Variants in COL9A2 observed in about 807,000 individuals in gnomAD.
COL9A2 encodes collagen alpha-2(IX) chain.
Under a neutral mutation model 111.6 loss-of-function variants are expected in COL9A2, and 66 were observed. The ratio of observed to expected loss-of-function variants is 0.59; its 90% CI spans 0.48 to 0.73. COL9A2 has a LOEUF of 0.73. Ranked by LOEUF, COL9A2 falls within the 30% of genes least tolerant of loss-of-function variation. COL9A2 has a pLI of 0.00. For synonymous variants in COL9A2, 353 were observed against 364.1 expected (o/e 0.97, Z 0.35); for missense variants, 881 against 954.1 (o/e 0.92, Z 1.01).
chr1:40,311,709 G>A lies in COL9A2; in HGVS notation c.424C>T (p.Pro142Ser). 6.2e-7 allele frequency: 1 copy of A among 1,613,912 alleles called. No homozygotes were observed. The highest frequency in any genetic ancestry group is 8.5e-7 in the Non-Finnish European group (1 of 1,179,964). Residue 142 changes from proline (P) to serine (S), a missense_variant, in exon 9 of 32, where the codon CCT becomes TCT. Pro to Ser is a moderately conservative substitution (Grantham distance 74, BLOSUM62 -1). Transcript: ENST00000372748. This position sits in a 1 kb window ranked among gnomAD's most constrained non-coding sequence, Gnocchi z 5.1. Reference protein sequence around the residue: ...EIGIRGPKGDPGPDGPSGPPG... With the variant: ...EIGIRGPKGDSGPDGPSGPPG... Reference sequence around the variant, plus strand: ...GGCCCCGATGGTCCATCTGGTCCAGGGTCCCCCTGGAAGCAAAAGAAGCCC... The same window carrying A: ...GGCCCCGATGGTCCATCTGGTCCAGAGTCCCCCTGGAAGCAAAAGAAGCCC...
In COL9A2 at chr1:40,303,609, C is replaced by T; in HGVS notation, c.1469G>A (p.Gly490Asp). 6.2e-7 allele frequency: 1 copy of T among 1,604,118 alleles called. No individual in the cohort carries two copies. The highest frequency in any genetic ancestry group is 8.5e-7 in the Non-Finnish European group (1 of 1,176,296). Reference protein sequence around the residue: ...SGDAGAPGVQGYPGPPGPRGL... With the variant: ...SGDAGAPGVQDYPGPPGPRGL... ...TCGAGGGCCGGGGGGACCAGGGTAG[C>T]CCTGAACCCCTGGGGCGCCCGCATC... Residue 490 changes from glycine to aspartate, a missense_variant, in exon 28 of 32, where the codon GGC (glycine) becomes GAC (aspartate). Gly to Asp is a moderately conservative substitution (Grantham distance 94, BLOSUM62 -1). Coordinates refer to ENST00000372748, the MANE Select transcript of COL9A2 (RefSeq NM_001852.4). This position sits in a 1 kb window ranked among gnomAD's most constrained non-coding sequence, Gnocchi z 4.6.
chr1:40,311,350 GC>G lies in COL9A2; in HGVS notation c.520-65del, dbSNP rs1553184077. ...GGGCAGTGCGCCCCCATCTCTCCAA[GC>G]CCCGTGCTCTCCTCCGCCTCACCTG... On this transcript the variant is annotated intron_variant, in intron 10 of 31. Transcript: ENST00000372748. The surrounding 1 kb of genome is among the most constrained non-coding windows in gnomAD (Gnocchi z 5.1). 3.8e-6 allele frequency: 6 copies of G among 1,589,064 alleles called. No individual in the cohort carries two copies. The highest frequency in any genetic ancestry group is 1.1e-5 in the South Asian group (1 of 89,086).
rs1320517018 is a variant in COL9A2 at position 40,303,666 on chromosome 1, C to G, written c.1412G>C (p.Arg471Pro). The change falls in exon 28 of 32, where the codon CGT (arginine) becomes CCT (proline). Residue 471 changes from arginine (R) to proline (P), a missense_variant. Coordinates refer to ENST00000372748, the MANE Select transcript of COL9A2 (RefSeq NM_001852.4). This position sits in a 1 kb window ranked among gnomAD's most constrained non-coding sequence, Gnocchi z 4.6. ...GGGGCCAGGGTAGCCGGGTTCTCCA[C>G]GTACTCCTTGCTGCGGGGGGATGGG... Reference protein sequence around the residue: ...EPGPKGQQGVRGEPGYPGPSG... With the variant: ...EPGPKGQQGVPGEPGYPGPSG... 3 of 1,568,114 alleles carry G rather than the reference C, an allele frequency of 1.9e-6. 1 individual carries two copies. Among genetic ancestry groups the G allele is most frequent in the Non-Finnish European group, 2.6e-6 (3 of 1,158,160 alleles).
In COL9A2 at chr1:40,315,583, G is replaced by T. The variant is rs934189894; in HGVS notation, c.150+7C>A. The T allele has an allele frequency of 2.6e-6, 4 of 1,551,924 alleles. No homozygotes were observed. The highest frequency in any genetic ancestry group is 3.5e-6 in the Non-Finnish European group (4 of 1,146,872). ...CCTCCCGCCCTGGTCTCAGGTTAGA[G>T]ACTTACGTCGATGCCGTCGGATCCA... is the stretch of plus-strand genomic sequence containing the variant. On this transcript the variant is annotated splice_region_variant and intron_variant, in intron 2 of 31. Coordinates refer to ENST00000372748, the MANE Select transcript of COL9A2 (RefSeq NM_001852.4).
chr1:40,301,697 A>T (rs1255618881), intron 31 of COL9A2, 115 bp downstream of exon 31: 3 of 1,011,626 alleles, frequency 3.0e-6, no homozygotes, highest in Non-Finnish European at 4.4e-6. Flanking sequence ...GAAGCTGGGT[A>T]TCAAGGACTG....
chr1:40,315,483 CACT>C (rs1644203714), intron 2 of COL9A2, 104 bp downstream of exon 2: 4 of 1,473,946 alleles, frequency 2.7e-6, no homozygotes. Flanking sequence ...CGACGAGGGG[CACT>C]ACATCTCCGG....
chr1:40,313,546 A>C (rs1489990752), intron 4 of COL9A2, among the ~76,000 whole-genome samples: 2 of 152,228 alleles, frequency 1.3e-5, no homozygotes, highest in East Asian at 1.9e-4. Context: ...GCAACATAGA[A>C]GGCAATATGC....
At chr1:40,305,344 C>T (rs1370016539) in intron 21 of COL9A2, among the ~76,000 whole-genome samples, 10 of 152,152 alleles carry the variant, frequency 6.6e-5, no homozygotes, top group Admixed American at 3.3e-4. Context: ...CGTGAGCCAC[C>T]GCGCCCGGCG....
chr1:40,304,881 A>G, intron 21 of COL9A2, 34 bp from the exon 22 acceptor site: 2 of 1,538,952 alleles, frequency 1.3e-6, no homozygotes, highest in East Asian at 4.9e-5. Context: ...TAAGCGTTTG[A>G]CCTGGTGGAA....
rs1267359670 is a variant in COL9A2 at position 40,302,530 on chromosome 1, G to T, written c.1792+91C>A. ...TGGCTGAGGAACCGGGGAAGGGTCTGTATGTCATCCTGAGAAGGGAATGGG... is the reference window on the plus strand; with the variant it reads ...TGGCTGAGGAACCGGGGAAGGGTCTTTATGTCATCCTGAGAAGGGAATGGG... On this transcript the variant is annotated intron_variant, in intron 30 of 31. Coordinates refer to ENST00000372748, the MANE Select transcript of COL9A2 (RefSeq NM_001852.4). The surrounding 1 kb of genome is among the most constrained non-coding windows in gnomAD (Gnocchi z 4.5). The T allele has an allele frequency of 5.0e-6, 7 of 1,413,298 alleles. No individual in the cohort carries two copies. Among genetic ancestry groups the T allele is most frequent in the Non-Finnish European group, 6.8e-6 (7 of 1,034,130 alleles). The allele number at this position is 1,413,298 out of a possible 1,614,324, so 87.5% of individuals were successfully genotyped here. A position where few individuals can be genotyped will look rare whatever the true frequency, so the allele number is the denominator to read the frequency against.
chr1:40,301,421 T>C (rs2124032754), intron 31 of COL9A2, 40 bp from the exon 32 acceptor site: 1 of 1,560,824 alleles, frequency 6.4e-7, no homozygotes, highest in Middle Eastern at 1.7e-4. Flanking sequence ...GGGCACCTCT[T>C]GTCTCAGGCC....
Position 40,311,416 on chromosome 1 carries a change from A to C in COL9A2, c.519+84T>G. On this transcript the variant is annotated intron_variant, in intron 10 of 31. Transcript: ENST00000372748. The surrounding 1 kb of genome is among the most constrained non-coding windows in gnomAD (Gnocchi z 5.1). The stretch of plus-strand genomic sequence containing the variant: ...CTGCAGCCCCTCCCCATCTCTCCAG[A>C]CACCCCCATCTCCGTGGCCCCGCCT... 1.3e-6 allele frequency: 2 copies of C among 1,574,054 alleles called. No homozygotes were observed. Among genetic ancestry groups the C allele is most frequent in the Non-Finnish European group, 1.7e-6 (2 of 1,153,840 alleles).
rs1400579267 is a variant in COL9A2 at position 40,312,554 on chromosome 1, C to A, written c.339+20G>T. 1 of 1,614,070 alleles carries A rather than the reference C, an allele frequency of 6.2e-7. No individual in the cohort carries two copies. Among genetic ancestry groups the A allele is most frequent in the African/African-American group, 1.3e-5 (1 of 75,014 alleles). On this transcript the variant is annotated intron_variant, in intron 6 of 31. Transcript: ENST00000372748. The surrounding 1 kb of genome is among the most constrained non-coding windows in gnomAD (Gnocchi z 6.0). ...CCTCTCCCCCAAGAGTCCCTCGAAG[C>A]CCTTGCAGGTTGTACTCACCGGAAG...
chr1:40,305,312 C>T (rs1231644071), intron 21 of COL9A2, among the ~76,000 whole-genome samples: 1 of 152,158 alleles, frequency 6.6e-6, no homozygotes, highest in African/African-American at 2.4e-5. Context: ...GCCTCAGCCT[C>T]CCAAAATGCT....
At position 40,314,503 on chromosome 1, in the gene COL9A2, CAGG is replaced by C. The variant is rs1265131708; in HGVS notation, c.151-119_151-117del. 1.6e-6 allele frequency: 2 copies of C among 1,260,188 alleles called. No homozygotes were observed. The highest frequency in any genetic ancestry group is 4.7e-5 in the East Asian group (2 of 42,730). The allele number at this position is 1,260,188 out of a possible 1,614,324, so 78.1% of individuals were successfully genotyped here. On this transcript the variant is annotated intron_variant, in intron 2 of 31. Coordinates refer to ENST00000372748, the MANE Select transcript of COL9A2 (RefSeq NM_001852.4). This position sits in a 1 kb window ranked among gnomAD's most constrained non-coding sequence, Gnocchi z 4.1. Reference sequence around the variant, plus strand: ...TCTCCTCACTCTCCTCTCTTCTGTCCAGGTCCCCTAAGCCTTGCAATCTTTGGG... The same window carrying C: ...TCTCCTCACTCTCCTCTCTTCTGTCCTCCCCTAAGCCTTGCAATCTTTGGG...
Position 40,303,874 on chromosome 1 carries a change from G to C in COL9A2, c.1369-35C>G. ...CAAGGAGCAGCGGTCACGAAGCCGC[G>C]GGGACCCCGGGGCCAGCCGCCGCTC... On this transcript the variant is annotated intron_variant, in intron 26 of 31. Transcript: ENST00000372748. The surrounding 1 kb of genome is among the most constrained non-coding windows in gnomAD (Gnocchi z 4.6). 5.8e-6 allele frequency: 9 copies of C among 1,548,542 alleles called. No homozygotes were observed. The highest frequency in any genetic ancestry group is 2.4e-5 in the East Asian group (1 of 40,948).
Position 40,307,768 on chromosome 1 carries a change from G to A in COL9A2, c.901-12C>T. ...ATGCCTGGGGGGCCCTACCCAGGAG[G>A]AAAGTTCAAGGGAGAGTGATAATGC... On this transcript the variant is annotated splice_polypyrimidine_tract_variant and intron_variant, in intron 17 of 31. Transcript: ENST00000372748. This position sits in a 1 kb window ranked among gnomAD's most constrained non-coding sequence, Gnocchi z 4.8. 6.2e-7 allele frequency: 1 copy of A among 1,614,054 alleles called. No individual in the cohort carries two copies. The highest frequency in any genetic ancestry group is 1.1e-5 in the South Asian group (1 of 91,066).
chr1:40,311,819 C>G lies in COL9A2; in HGVS notation c.418-104G>C. 7.9e-7 allele frequency: 1 copy of G among 1,259,596 alleles called. No homozygotes were observed. The highest frequency in any genetic ancestry group is 1.2e-5 in the South Asian group (1 of 82,864). 78.0% of individuals were successfully genotyped at this position (1,259,596 alleles called of 1,614,324 possible). A position where few individuals can be genotyped will look rare whatever the true frequency, so the allele number is the denominator to read the frequency against. On this transcript the variant is annotated intron_variant, in intron 8 of 31. Transcript: ENST00000372748. This position sits in a 1 kb window ranked among gnomAD's most constrained non-coding sequence, Gnocchi z 5.1. Reference sequence around the variant, plus strand: ...CTCTGCCCTCTCCACCCTGTCTTCCCGGTCACTTTGTGAGATCCACCATCT... The same window carrying G: ...CTCTGCCCTCTCCACCCTGTCTTCCGGGTCACTTTGTGAGATCCACCATCT...
In COL9A2 at chr1:40,316,903, G is replaced by A. The variant is rs1180059000; in HGVS notation, c.75+220C>T. On this transcript the variant is annotated intron_variant, in intron 1 of 31. Coordinates refer to ENST00000372748, the MANE Select transcript of COL9A2 (RefSeq NM_001852.4). The surrounding 1 kb of genome is among the most constrained non-coding windows in gnomAD (Gnocchi z 5.5). ...TCCCGGGCCGGGCCGCGCGTCTGGG[G>A]ACGGGTCCCGTTTGACTCTCCGGCT... 6.6e-6 allele frequency among the ~76,000 whole-genome samples: 1 copy of A among 152,188 alleles called. No homozygotes were observed. Among genetic ancestry groups the A allele is most frequent in the Non-Finnish European group, 1.5e-5 (1 of 68,014 alleles).
Sources: allele counts gnomAD v4.1 joint callset (sites outside exome capture counted in the v4.1 genomes callset), GRCh38; gene constraint gnomAD v4.1.1; non-coding constraint Gnocchi (gnomAD v3.1); transcripts MANE v1.5; gene names NCBI Gene and HGNC (gene_info 2026-07-23, HGNC 2026-07-21).